LUC7L3: variants seen among roughly 807,000 people sequenced by gnomAD.
LUC7L3 encodes the protein luc7-like protein 3.
In LUC7L3, 6 loss-of-function variants were observed where a neutral mutation model predicts 66.8. The ratio of observed to expected loss-of-function variants is 0.09; its 90% CI spans 0.05 to 0.18. The LOEUF is 0.18. Ranked by LOEUF, LUC7L3 falls within the 10% of genes least tolerant of loss-of-function variation. LUC7L3 has a pLI of 1.00. For missense variants in LUC7L3, 341 were observed against 531.1 expected (o/e 0.64, Z 3.52); for synonymous variants, 160 against 174.7 (o/e 0.92, Z 0.66).
intron 1 of LUC7L3, among the ~76,000 whole-genome samples, chr17:50,733,923 A>G (rs1969809183): frequency 6.6e-6 from 1 of 152,178 alleles, no homozygotes; most frequent in Non-Finnish European, 1.5e-5. Context: ...TCCCCCAAAT[A>G]AACTCTCAAA....
intron 9 of LUC7L3, chr17:50,749,121 C>CT: frequency 1.1e-6 from 1 of 937,314 alleles, no homozygotes; most frequent in Non-Finnish European, 1.5e-6. Flanking sequence ...AAGGTGCTCT[C>CT]TTTGTCAAGA....
chr17:50,732,720 A>G (rs1969696852), intron 1 of LUC7L3, among the ~76,000 whole-genome samples: 1 of 152,110 alleles, frequency 6.6e-6, no homozygotes, highest in Admixed American at 6.5e-5. Context: ...CCAAGGCAGA[A>G]TTACGACCTC....
rs914745116 is a variant in LUC7L3 at position 50,741,144 on chromosome 17, A to G, written c.249A>G (p.Arg83=). The change falls in exon 4 of 10, where the codon AGA becomes AGG. Residue 83 remains arginine (R), a synonymous_variant. Coordinates refer to ENST00000505658, the MANE Select transcript of LUC7L3 (RefSeq NM_016424.5). ...SSRFMKVGYE[R]DFLRYLQSLL... The stretch of plus-strand genomic sequence containing the variant: ...GTTTCATGAAAGTTGGCTATGAGAG[A>G]GATTTTTTGCGATACTTACAGAGCT... The G allele has an allele frequency of 4.3e-6, 7 of 1,614,080 alleles. No homozygotes were observed. The African/African-American group carries it at 8.0e-5, about 18-fold the overall frequency.
chr17:50,726,656 T>C (rs1003907943), intron 1 of LUC7L3, among the ~76,000 whole-genome samples: 3 of 152,232 alleles, frequency 2.0e-5, no homozygotes, highest in African/African-American at 7.2e-5. Flanking sequence ...TCATCTTTTG[T>C]ATACAGATGA....
chr17:50,740,805 C>A (rs1026144181), intron 3 of LUC7L3, among the ~76,000 whole-genome samples: 5 of 152,150 alleles, frequency 3.3e-5, no homozygotes, highest in Non-Finnish European at 5.9e-5. Context: ...AGTGATCCAC[C>A]CACCTCGGCC....
intron 1 of LUC7L3, among the ~76,000 whole-genome samples, chr17:50,721,699 C>T (rs1968778982): frequency 6.6e-6 from 1 of 152,162 alleles, no homozygotes; most frequent in Non-Finnish European, 1.5e-5. Flanking sequence ...CTGTTGATAT[C>T]GTTTCCGGGT....
intron 1 of LUC7L3, among the ~76,000 whole-genome samples, chr17:50,730,298 C>T (rs1257421620): frequency 2.0e-5 from 3 of 151,610 alleles, no homozygotes; most frequent in Admixed American, 6.6e-5. Flanking sequence ...AGCAGTTTAA[C>T]GAAAATAGTG....
chr17:50,736,081 T>C (rs766101634), intron 1 of LUC7L3, among the ~76,000 whole-genome samples: 7 of 152,164 alleles, frequency 4.6e-5, no homozygotes, highest in Non-Finnish European at 1.0e-4. Context: ...TGCAGTGGGC[T>C]GAGATGGTGC....
At chr17:50,750,433 T>C (rs1464903882) in intron 9 of LUC7L3, 68 bp from the exon 10 acceptor site, 2 of 1,465,670 alleles carry the variant, frequency 1.4e-6, no homozygotes, top group East Asian at 4.6e-5. Flanking sequence ...TGTTTCACTT[T>C]TTTTCAAAAT....
At chr17:50,722,564 TTTAATTGTGCATATCTGCACAATTAAATC>T (rs1968858424) in intron 1 of LUC7L3, 1 of 152,230 alleles carries the variant, frequency 6.6e-6, no homozygotes, top group African/African-American at 2.4e-5. Context: ...GTCCTGGGCT[TTTAATTGTGCATATCTGCACAATTAAATC>T]TTAATTGGTA....
chr17:50,744,935 C>T, intron 7 of LUC7L3, 122 bp downstream of exon 7: 1 of 728,426 alleles, frequency 1.4e-6, no homozygotes, highest in Non-Finnish European at 2.2e-6. Context: ...CCTCAGCCTC[C>T]TGAGTAGCTG....
At chr17:50,730,933 C>G (rs985969738) in intron 1 of LUC7L3, among the ~76,000 whole-genome samples, 1 of 152,062 alleles carries the variant, frequency 6.6e-6, no homozygotes, top group Non-Finnish European at 1.5e-5. Flanking sequence ...GAGTGAGGCT[C>G]TGTCTCAAAA....
At chr17:50,746,472 A>G (rs1198826720) in intron 8 of LUC7L3, 70 bp from the exon 9 acceptor site, 4 of 1,361,474 alleles carry the variant, frequency 2.9e-6, no homozygotes, top group Non-Finnish European at 4.1e-6. Context: ...GTTAATTAAT[A>G]GCATCTACTC....
intron 1 of LUC7L3, chr17:50,724,024 C>G: frequency 2.2e-6 from 1 of 447,232 alleles, no homozygotes; most frequent in Non-Finnish European, 4.5e-6. Context: ...TATGTAATTG[C>G]TATTTGCTTT....
intron 4 of LUC7L3, 48 bp downstream of exon 4, chr17:50,741,294 G>T (rs1213906975): frequency 1.3e-6 from 2 of 1,567,532 alleles, no homozygotes; most frequent in East Asian, 2.3e-5. Flanking sequence ...GTTTTCTGGA[G>T]ATTCAGAGAC....
intron 1 of LUC7L3, among the ~76,000 whole-genome samples, chr17:50,728,903 A>AAGTT (rs1241287036): frequency 3.7e-3 from 2 of 544 alleles, no homozygotes; most frequent in Admixed American, 0.031. Context: ...CCTGGATTTT[A>AAGTT]AATTAATATT....
Position 50,756,163 on chromosome 17 carries a change from G to T in LUC7L3, c.*5502G>T, listed in dbSNP as rs908504797. 1.3e-5 allele frequency: 2 copies of T among 152,130 alleles called. No individual in the cohort carries two copies. Among genetic ancestry groups the T allele is most frequent in the African/African-American group, 2.4e-5 (1 of 41,398 alleles). The allele number at this position is 152,130 out of a possible 1,614,324, so 9.4% of individuals were successfully genotyped here. ...TTCCTTTTTTAATCTGTATGTTTAT[G>T]TGCTTTTGTATGTATGATATTTCTT... On this transcript the variant is annotated 3_prime_UTR_variant, in exon 10 of 10. Coordinates refer to ENST00000505658, the MANE Select transcript of LUC7L3 (RefSeq NM_016424.5).
At chr17:50,738,759 G>C (rs922114204) in intron 2 of LUC7L3, among the ~76,000 whole-genome samples, 1 of 152,174 alleles carries the variant, frequency 6.6e-6, no homozygotes, top group Non-Finnish European at 1.5e-5. Context: ...AATAAAAGCA[G>C]AGGGAATTGC....
intron 1 of LUC7L3, among the ~76,000 whole-genome samples, chr17:50,729,028 CAT>C (rs1304277370): frequency 2.6e-5 from 4 of 152,040 alleles, no homozygotes; most frequent in Admixed American, 1.3e-4. Flanking sequence ...GTTGAAATGA[CAT>C]ATAACAAAAG....
Sources: gnomAD v4.1 joint callset for allele counts (sites outside exome capture counted in the v4.1 genomes callset) on GRCh38, gnomAD v4.1.1 for gene constraint, MANE v1.5 for transcripts, NCBI Gene and HGNC (gene_info 2026-07-23, HGNC 2026-07-21) for gene names.